ARMC9: variants seen among roughly 807,000 people sequenced by gnomAD.
ARMC9 encodes lisH domain-containing protein ARMC9.
In ARMC9, 94 loss-of-function variants were observed where a neutral mutation model predicts 107.0. That is an observed-to-expected ratio of 0.88 (90% CI 0.74 to 1.04). ARMC9 has a LOEUF of 1.04. Ranked by LOEUF, ARMC9 falls within the 50% of genes least tolerant of loss-of-function variation. The pLI, the probability that ARMC9 is intolerant of heterozygous loss-of-function variation, is 0.00. For synonymous variants in ARMC9, 380 were observed against 396.9 expected (o/e 0.96, Z 0.51); for missense variants, 942 against 1,030.1 (o/e 0.91, Z 1.17).
At chr2:231,232,998 G>A (rs183940280) in intron 7 of ARMC9, among the ~76,000 whole-genome samples, 115 of 151,794 alleles carry the variant, frequency 7.6e-4, no homozygotes, top group African/African-American at 2.7e-3. Context: ...CTACAGGTGC[G>A]TGCCTCCACG....
chr2:231,220,997 C>T (rs1349873222), intron 5 of ARMC9, among the ~76,000 whole-genome samples: 1 of 152,226 alleles, frequency 6.6e-6, no homozygotes, highest in African/African-American at 2.4e-5. Context: ...GCGTAGACCA[C>T]CTTGAGTTGT....
chr2:231,207,763 G>A (rs1367101001), intron 2 of ARMC9, among the ~76,000 whole-genome samples: 2 of 152,164 alleles, frequency 1.3e-5, no homozygotes, highest in Non-Finnish European at 2.9e-5. Context: ...CTTGAGTCAC[G>A]GCTCCTGGCC....
At chr2:231,281,665 T>C (rs2040228892) in intron 16 of ARMC9, among the ~76,000 whole-genome samples, 1 of 152,132 alleles carries the variant, frequency 6.6e-6, no homozygotes, top group South Asian at 2.1e-4. Context: ...ACAGTAGCAG[T>C]GGATATGGAA....
intron 19 of ARMC9, among the ~76,000 whole-genome samples, chr2:231,298,674 C>T (rs1238380415): frequency 6.6e-6 from 1 of 152,168 alleles, no homozygotes; most frequent in African/African-American, 2.4e-5. Context: ...GGGCCAGGCA[C>T]GGTGGCTCAC....
intron 7 of ARMC9, 113 bp from the exon 8 acceptor site, chr2:231,235,111 A>G: frequency 8.5e-7 from 1 of 1,175,726 alleles, no homozygotes; most frequent in Non-Finnish European, 1.2e-6. Flanking sequence ...TGTCCAGTTT[A>G]TTGTTACAAG....
intron 10 of ARMC9, 104 bp from the exon 11 acceptor site, chr2:231,258,887 C>T (rs1193988973): frequency 7.6e-6 from 8 of 1,058,418 alleles, no homozygotes; most frequent in Non-Finnish European, 1.1e-5. Context: ...GCTGGGAGCC[C>T]ATGGGAACAG....
intron 9 of ARMC9, among the ~76,000 whole-genome samples, chr2:231,250,075 C>T (rs973903530): frequency 6.6e-6 from 1 of 152,126 alleles, no homozygotes; most frequent in Non-Finnish European, 1.5e-5. Context: ...TTTCTGATGC[C>T]CCAGGCCTGC....
At chr2:231,271,565 C>CA (rs1388476234) in intron 13 of ARMC9, among the ~76,000 whole-genome samples, 1 of 152,138 alleles carries the variant, frequency 6.6e-6, no homozygotes, top group Non-Finnish European at 1.5e-5. Flanking sequence ...AATGATTTTG[C>CA]AAAGTGCCAT....
intron 17 of ARMC9, among the ~76,000 whole-genome samples, chr2:231,287,135 C>T (rs1391095064): frequency 1.3e-5 from 2 of 152,200 alleles, no homozygotes; most frequent in Non-Finnish European, 2.9e-5. Flanking sequence ...AGCCACTCAG[C>T]CCAGAGGAAT....
chr2:231,277,329 G>A (rs1464986981), intron 15 of ARMC9, among the ~76,000 whole-genome samples: 1 of 152,146 alleles, frequency 6.6e-6, no homozygotes, highest in African/African-American at 2.4e-5. Flanking sequence ...TACCTGGGAT[G>A]AAAGAAGCTT....
At chr2:231,349,057 C>T (rs1029524768) in intron 21 of ARMC9, among the ~76,000 whole-genome samples, 13 of 152,138 alleles carry the variant, frequency 8.5e-5, no homozygotes, top group Admixed American at 3.3e-4. Context: ...AGAGCTACCA[C>T]ATGATCCAGC....
chr2:231,288,223 T>C (rs1574958735), intron 17 of ARMC9, among the ~76,000 whole-genome samples: 1 of 152,170 alleles, frequency 6.6e-6, no homozygotes, highest in Non-Finnish European at 1.5e-5. Flanking sequence ...TTATTGAACA[T>C]GAAAATGATC....
intron 7 of ARMC9, among the ~76,000 whole-genome samples, chr2:231,229,637 G>A: frequency 6.6e-6 from 1 of 152,188 alleles, no homozygotes; most frequent in East Asian, 1.9e-4. Flanking sequence ...GCCCTAAACA[G>A]TATTTTAAAA....
chr2:231,269,521 G>A (rs933890717), intron 12 of ARMC9, among the ~76,000 whole-genome samples: 1 of 151,152 alleles, frequency 6.6e-6, no homozygotes, highest in Non-Finnish European at 1.5e-5. Flanking sequence ...GAGTAGCTGG[G>A]ATTACAGGTG....
At chr2:231,223,609 A>C (rs1049240741) in intron 6 of ARMC9, among the ~76,000 whole-genome samples, 5 of 152,214 alleles carry the variant, frequency 3.3e-5, no homozygotes, top group African/African-American at 4.8e-5. Flanking sequence ...AATTTAGGCT[A>C]CTTTGCTGCG....
rs138186372 is a variant in ARMC9, at chr2:231,240,011, G to A, written c.849G>A (p.Ala283=). ...LFSNQMRQSL[A]HSVDFTRPGT... ...GTAACCAGATGCGGCAGAGCCTGGC[G>A]CATAGTGTGGACTTCACGAGGCCTG... Residue 283 remains alanine (A), a synonymous_variant, in exon 9 of 25, where the codon GCG becomes GCA. Coordinates refer to ENST00000611582, the MANE Select transcript of ARMC9 (RefSeq NM_001352754.2). The A allele has an allele frequency of 1.1e-5, 17 of 1,613,720 alleles. No individual in the cohort carries two copies. Among genetic ancestry groups the A allele is most frequent in the East Asian group, 2.2e-5 (1 of 44,872 alleles).
rs183262722 is a variant in ARMC9, at chr2:231,342,814, A to G, written c.1879-2161A>G. 3.2e-3 allele frequency among the ~76,000 whole-genome samples: 483 copies of G among 152,032 alleles called. 2 individuals are homozygous for G. Among genetic ancestry groups the G allele is most frequent in the African/African-American group, 0.011 (460 of 41,478 alleles). On this transcript the variant is annotated intron_variant, in intron 20 of 24. Transcript: ENST00000611582. The stretch of plus-strand genomic sequence containing the variant: ...TATTTACGTGGCTTAGTTACATTCC[A>G]TTTCCCCCAAGAAGCTGGGTGCCTC...
At chr2:231,317,244 C>T (rs1262899200) in intron 19 of ARMC9, among the ~76,000 whole-genome samples, 1 of 151,866 alleles carries the variant, frequency 6.6e-6, no homozygotes, top group African/African-American at 2.4e-5. Context: ...AATCGTGGCT[C>T]ACTGCAACCT....
In ARMC9 at chr2:231,240,010, C is replaced by T. The variant is rs781051576; in HGVS notation, c.848C>T (p.Ala283Val). 3.1e-6 allele frequency: 5 copies of T among 1,613,750 alleles called. No homozygotes were observed. Among genetic ancestry groups the T allele is most frequent in the East Asian group, 2.2e-5 (1 of 44,870 alleles). ...AGTAACCAGATGCGGCAGAGCCTGG[C>T]GCATAGTGTGGACTTCACGAGGCCT... Reference protein sequence around the residue: ...LFSNQMRQSLAHSVDFTRPGT... With the variant: ...LFSNQMRQSLVHSVDFTRPGT... The change falls in exon 9 of 25, where the codon GCG (alanine) becomes GTG (valine). Residue 283 changes from alanine (A) to valine (V), a missense_variant. Coordinates refer to ENST00000611582, the MANE Select transcript of ARMC9 (RefSeq NM_001352754.2).
Sources: allele counts gnomAD v4.1 joint callset (sites outside exome capture counted in the v4.1 genomes callset), GRCh38; gene constraint gnomAD v4.1.1; transcripts MANE v1.5; gene names NCBI Gene and HGNC (gene_info 2026-07-23, HGNC 2026-07-21).